The following COL24A1 variants were observed in gnomAD, a reference collection of about 807,000 sequenced individuals.
COL24A1 encodes the protein collagen type XXIV alpha 1 chain, also known as collagen alpha-1(XXIV) chain.
COL24A1 carries 224 observed loss-of-function variants against 253.9 expected under a neutral mutation model. That is an observed-to-expected ratio of 0.88 (90% CI 0.79 to 0.99). COL24A1 has a LOEUF of 0.99. Among genes scored for constraint, COL24A1 ranks in the 50% least tolerant of loss-of-function variants. The probability of loss-of-function intolerance (pLI) is 0.00; values close to 1 mark genes in which losing one functional copy is unlikely to be tolerated. For synonymous variants in COL24A1, 685 were observed against 673.7 expected, an observed-to-expected ratio of 1.02 and a Z score of -0.26; for missense variants, 2,131 against 2,068.5, an observed-to-expected ratio of 1.03 and a Z score of -0.59.
intron 19 of COL24A1, among the ~76,000 whole-genome samples, chr1:85,989,747 C>A (rs1312991342): frequency 6.6e-6 from 1 of 152,190 alleles, no homozygotes; most frequent in African/African-American, 2.4e-5. Flanking sequence ...TATATACTCT[C>A]TTTCAATTCT....
intron 5 of COL24A1, among the ~76,000 whole-genome samples, chr1:86,096,027 G>A (rs1333840274): frequency 1.3e-5 from 2 of 151,976 alleles, no homozygotes; most frequent in East Asian, 1.9e-4. Flanking sequence ...ATTGGGATTT[G>A]GAGTGAAAAC....
At chr1:85,902,733 G>A (rs1027145703) in intron 28 of COL24A1, among the ~76,000 whole-genome samples, 8 of 152,122 alleles carry the variant, frequency 5.3e-5, no homozygotes, top group African/African-American at 7.2e-5. Flanking sequence ...AGAGTAGGAC[G>A]ATAAATACCA....
In COL24A1 at chr1:85,875,297, G is replaced by A; in HGVS notation, c.3064C>T (p.Gln1022Ter). ...GTTACCTTTGCACCTGGTTCACCTTGCAGACCAGACTCTCCCTCAGTGCCT... is the reference window on the plus strand; with the variant it reads ...GTTACCTTTGCACCTGGTTCACCTTACAGACCAGACTCTCCCTCAGTGCCT... The part of the protein sequence containing the change: ...PPGTEGESGL[Q>*]GEPGAKGDVG... Residue 1022 changes from glutamine to a stop codon, truncating the protein, a stop_gained, in exon 34 of 60, where the codon CAA (glutamine) becomes TAA (stop). Coordinates refer to ENST00000370571, the MANE Select transcript of COL24A1 (RefSeq NM_152890.7). LOFTEE classifies it high-confidence loss of function. 3.7e-6 allele frequency: 6 copies of A among 1,613,748 alleles called. No homozygotes were observed. Among genetic ancestry groups the A allele is most frequent in the Non-Finnish European group, 5.1e-6 (6 of 1,179,784 alleles).
intron 3 of COL24A1, among the ~76,000 whole-genome samples, chr1:86,123,054 A>G (rs565667112): frequency 6.6e-6 from 1 of 152,112 alleles, no homozygotes; most frequent in South Asian, 2.1e-4. Flanking sequence ...AAAGTAAATT[A>G]ACTCTTTGGG....
At chr1:85,955,652 C>T (rs1690381229) in intron 24 of COL24A1, among the ~76,000 whole-genome samples, 1 of 152,192 alleles carries the variant, frequency 6.6e-6, no homozygotes, top group African/African-American at 2.4e-5. Flanking sequence ...ATTGCACACC[C>T]TGCAGGGGGG....
At chr1:85,792,535 A>AG (rs1417624699) in intron 47 of COL24A1, among the ~76,000 whole-genome samples, 2 of 150,188 alleles carry the variant, frequency 1.3e-5, no homozygotes, top group Non-Finnish European at 3.0e-5. Flanking sequence ...AAAAAAAAAA[A>AG]AAAAAGAAAG....
intron 51 of COL24A1, among the ~76,000 whole-genome samples, chr1:85,783,265 C>CT (rs11369327): frequency 0.28 from 38,384 of 135,070 alleles, 5,318 homozygotes; most frequent in East Asian, 0.38. Flanking sequence ...TCTGATGATT[C>CT]TTTTTTTTTT....
intron 13 of COL24A1, among the ~76,000 whole-genome samples, chr1:86,033,115 T>A (rs1010470436): frequency 6.6e-6 from 1 of 152,130 alleles, no homozygotes. Flanking sequence ...ATTCACTGAA[T>A]GAGCTAATAT....
At chr1:85,870,078 C>G (rs1397946345) in intron 35 of COL24A1, among the ~76,000 whole-genome samples, 2 of 152,068 alleles carry the variant, frequency 1.3e-5, no homozygotes, top group Non-Finnish European at 2.9e-5. Context: ...TTTAAACCAA[C>G]AAAGATCAAA....
chr1:85,764,401 T>C (rs570415776), intron 53 of COL24A1, among the ~76,000 whole-genome samples: 1 of 150,738 alleles, frequency 6.6e-6, no homozygotes, highest in East Asian at 2.0e-4. Flanking sequence ...GAACATAAAC[T>C]CTTCAAGTTG....
Position 85,730,480 on chromosome 1 carries a change from G to T in COL24A1, c.*66C>A. 1 of 1,535,758 alleles carries T rather than the reference G, an allele frequency of 6.5e-7. No homozygotes were observed. On this transcript the variant is annotated 3_prime_UTR_variant, in exon 60 of 60. Transcript: ENST00000370571. ...CATTTCATAATGACTGTATCTGTCT[G>T]TCTTATTTCTCCCTCTGCAGCAATT... is the stretch of plus-strand genomic sequence containing the variant.
intron 14 of COL24A1, among the ~76,000 whole-genome samples, chr1:86,024,209 G>A (rs1697808009): frequency 6.6e-6 from 1 of 151,962 alleles, no homozygotes; most frequent in Admixed American, 6.6e-5. Context: ...CAGAACCTTT[G>A]ACAAGACAGT....
At chr1:86,010,940 A>T (rs1395940757) in intron 19 of COL24A1, among the ~76,000 whole-genome samples, 5 of 152,142 alleles carry the variant, frequency 3.3e-5, no homozygotes, top group Non-Finnish European at 7.4e-5. Flanking sequence ...TACACAACTC[A>T]CAAGAAAGAT....
intron 45 of COL24A1, among the ~76,000 whole-genome samples, chr1:85,823,108 A>C (rs1673833536): frequency 6.6e-6 from 1 of 152,218 alleles, no homozygotes; most frequent in African/African-American, 2.4e-5. Flanking sequence ...AATAGTCATG[A>C]ACAAAGTCTT....
chr1:86,059,879 A>G (rs964827343), intron 8 of COL24A1, among the ~76,000 whole-genome samples: 2 of 152,176 alleles, frequency 1.3e-5, no homozygotes, highest in African/African-American at 4.8e-5. Context: ...TACAATAAAA[A>G]GTCAGCAGTC....
chr1:85,754,549 T>TAAAAAAAAAAAAAAAAAAA (rs1665992616), intron 55 of COL24A1, among the ~76,000 whole-genome samples: 1 of 26,398 alleles, frequency 3.8e-5, no homozygotes, highest in Non-Finnish European at 8.6e-5. Context: ...AAAAAAAAAA[T>TAAAAAAAAAAAAAAAAAAA]TAAAAAAAAA....
At chr1:86,024,214 G>T (rs1039598116) in intron 14 of COL24A1, among the ~76,000 whole-genome samples, 3 of 152,074 alleles carry the variant, frequency 2.0e-5, no homozygotes, top group Non-Finnish European at 4.4e-5. Context: ...CCTTTGACAA[G>T]ACAGTTACCA....
chr1:85,782,515 A>C (rs1289301640), intron 51 of COL24A1, among the ~76,000 whole-genome samples: 2 of 152,080 alleles, frequency 1.3e-5, no homozygotes, highest in Admixed American at 6.5e-5. Context: ...AATACTATGC[A>C]ATAAAAGATG....
At chr1:86,146,235 A>G (rs1651864739) in intron 1 of COL24A1, 52 bp from the exon 2 acceptor site, 10 of 1,407,896 alleles carry the variant, frequency 7.1e-6, no homozygotes, top group Non-Finnish European at 1.0e-5. Context: ...GACATTTACA[A>G]CCATATAGAA....
Sources: allele counts gnomAD v4.1 joint callset (sites outside exome capture counted in the v4.1 genomes callset), GRCh38; gene constraint gnomAD v4.1.1; transcripts MANE v1.5; gene names NCBI Gene and HGNC (gene_info 2026-07-23, HGNC 2026-07-21).